Variants in PGAP1 observed in about 807,000 individuals in gnomAD.
The protein encoded by PGAP1 is GPI inositol-deacylase.
Under a neutral mutation model 127.0 loss-of-function variants are expected in PGAP1, and 76 were observed. That is an observed-to-expected ratio of 0.60 (90% CI 0.50 to 0.72). PGAP1 has a LOEUF of 0.72. Ranked by LOEUF, PGAP1 falls within the 30% of genes least tolerant of loss-of-function variation. The pLI is 0.00. For synonymous variants in PGAP1, 362 were observed against 366.5 expected, an observed-to-expected ratio of 0.99 and a Z score of 0.14; for missense variants, 982 against 1,071.3, an observed-to-expected ratio of 0.92 and a Z score of 1.16.
At chr2:196,913,403 G>A (rs766074159) in intron 3 of PGAP1, among the ~76,000 whole-genome samples, 48 of 152,128 alleles carry the variant, frequency 3.2e-4, no homozygotes, top group Non-Finnish European at 6.3e-4. Flanking sequence ...ATAAGAAATC[G>A]GATAATTTGT....
chr2:196,897,988 T>C (rs374759550), intron 6 of PGAP1, among the ~76,000 whole-genome samples: 5 of 152,112 alleles, frequency 3.3e-5, no homozygotes, highest in Non-Finnish European at 7.4e-5. Flanking sequence ...GAGGCCAATG[T>C]GGGTGGATCA....
chr2:196,890,289 A>AT (rs1452543067), intron 10 of PGAP1, among the ~76,000 whole-genome samples: 1 of 152,132 alleles, frequency 6.6e-6, no homozygotes, highest in Non-Finnish European at 1.5e-5. Context: ...ACAACATCAC[A>AT]TTTTTTAATA....
intron 3 of PGAP1, 70 bp downstream of exon 3, chr2:196,916,348 A>T: frequency 7.3e-7 from 1 of 1,363,014 alleles, no homozygotes; most frequent in Non-Finnish European, 9.7e-7. Flanking sequence ...GATTTAAAGT[A>T]TACTGAATCC....
intron 11 of PGAP1, 80 bp downstream of exon 11, chr2:196,885,754 A>C (rs1701880453): frequency 1.1e-6 from 1 of 872,792 alleles, no homozygotes; most frequent in Non-Finnish European, 1.6e-6. Flanking sequence ...GAAAATAACA[A>C]TGTATGAAAC....
At chr2:196,871,030 T>A in intron 18 of PGAP1, 51 bp from the exon 19 acceptor site, 1 of 1,303,508 alleles carries the variant, frequency 7.7e-7, no homozygotes, top group Non-Finnish European at 1.1e-6. Context: ...CTAAACTCCT[T>A]TACATTTTAT....
intron 18 of PGAP1, among the ~76,000 whole-genome samples, chr2:196,871,373 G>T (rs577095875): frequency 3.3e-5 from 5 of 152,100 alleles, no homozygotes; most frequent in Admixed American, 1.3e-4. Flanking sequence ...TGATAATTAG[G>T]AAGTCTATTT....
At chr2:196,900,995 A>G (rs1415884206) in intron 5 of PGAP1, among the ~76,000 whole-genome samples, 1 of 152,320 alleles carries the variant, frequency 6.6e-6, no homozygotes, top group East Asian at 1.9e-4. Flanking sequence ...AAGTACACAC[A>G]CACCCATGCC....
At chr2:196,875,707 A>AT in intron 14 of PGAP1, 39 bp downstream of exon 14, 1 of 1,129,128 alleles carries the variant, frequency 8.9e-7, no homozygotes, top group Non-Finnish European at 1.3e-6. Context: ...TGTTAAAAAT[A>AT]AAAGCAATTC....
At chr2:196,912,709 A>G (rs1702870672) in intron 4 of PGAP1, among the ~76,000 whole-genome samples, 173 bp downstream of exon 4, 1 of 152,116 alleles carries the variant, frequency 6.6e-6, no homozygotes, top group Admixed American at 6.5e-5. Flanking sequence ...TTATAAGCCT[A>G]AGTTCAATAA....
At chr2:196,906,471 C>G (rs1160864231) in intron 4 of PGAP1, among the ~76,000 whole-genome samples, 2 of 30,208 alleles carry the variant, frequency 6.6e-5, no homozygotes, top group Admixed American at 5.9e-4. Flanking sequence ...CATCAAAGAC[C>G]AAAAGTAGAT....
At chr2:196,900,762 A>G (rs1702458983) in intron 5 of PGAP1, among the ~76,000 whole-genome samples, 1 of 152,070 alleles carries the variant, frequency 6.6e-6, no homozygotes. Flanking sequence ...CATCTCTACT[A>G]AAAATACAAA....
In PGAP1 at chr2:196,838,003, AAG is replaced by A. The variant is rs1332984202; in HGVS notation, c.*3229_*3230del. 1 of 152,232 alleles carries A rather than the reference AAG, an allele frequency of 6.6e-6. No individual in the cohort carries two copies. The highest frequency in any genetic ancestry group is 1.9e-4 in the East Asian group (1 of 5,198). The allele number at this position is 152,232 out of a possible 1,614,324, so 9.4% of individuals were successfully genotyped here. On this transcript the variant is annotated 3_prime_UTR_variant, in exon 27 of 27. Transcript: ENST00000354764. ...TTCTGGTGATAACCAAGAGAAAAAA[AAG>A]AGTTAGCAGAACCTGTTTAATTTCT...
chr2:196,880,220 A>G, intron 12 of PGAP1, 67 bp from the exon 13 acceptor site: 1 of 960,294 alleles, frequency 1.0e-6, no homozygotes, highest in South Asian at 1.6e-5. Context: ...AGAAAAATAA[A>G]TAACACTTAT....
At chr2:196,908,213 C>T (rs1202006767) in intron 4 of PGAP1, among the ~76,000 whole-genome samples, 1 of 1,780 alleles carries the variant, frequency 5.6e-4, no homozygotes, top group African/African-American at 5.6e-3. Flanking sequence ...AAAAGCTCTC[C>T]TCAGCAAATG....
chr2:196,876,592 T>A (rs975345033), intron 13 of PGAP1, among the ~76,000 whole-genome samples: 1 of 152,038 alleles, frequency 6.6e-6, no homozygotes, highest in African/African-American at 2.4e-5. Context: ...ATCTCTACAA[T>A]GCAATCATAT....
Position 196,855,852 on chromosome 2 carries a change from C to T in PGAP1, c.1862-7815G>A, listed in dbSNP as rs879741311. On this transcript the variant is annotated intron_variant, in intron 20 of 26. Coordinates refer to ENST00000354764, the MANE Select transcript of PGAP1 (RefSeq NM_024989.4). Reference sequence around the variant, plus strand: ...GTATTGAATGTTAGTTATATTACCACGGCTTTATCAAAAATGTTATATTTG... The same window carrying T: ...GTATTGAATGTTAGTTATATTACCATGGCTTTATCAAAAATGTTATATTTG... 3.3e-5 allele frequency among the ~76,000 whole-genome samples: 5 copies of T among 152,028 alleles called. No individual in the cohort carries two copies. In the East Asian group the frequency reaches 5.8e-4, roughly 18 times the overall value.
chr2:196,919,779 C>A (rs560406314), intron 2 of PGAP1, among the ~76,000 whole-genome samples: 2 of 152,224 alleles, frequency 1.3e-5, no homozygotes, highest in South Asian at 4.1e-4. Flanking sequence ...TTCTTTGTAC[C>A]CCTCTCTTTG....
chr2:196,869,421 C>CA (rs1701341033), intron 19 of PGAP1, among the ~76,000 whole-genome samples: 1 of 152,046 alleles, frequency 6.6e-6, no homozygotes, highest in East Asian at 1.9e-4. Context: ...CTGCAAGCTC[C>CA]ACCTCTGGGT....
At chr2:196,864,415 A>AAAAAAAAAAAC (rs1188656265) in intron 20 of PGAP1, among the ~76,000 whole-genome samples, 1 of 149,318 alleles carries the variant, frequency 6.7e-6, no homozygotes, top group African/African-American at 2.5e-5. Flanking sequence ...AAAAAAAAAA[A>AAAAAAAAAAAC]GGCATTTGAT....
Sources: gnomAD v4.1 joint callset for allele counts (sites outside exome capture counted in the v4.1 genomes callset) on GRCh38, gnomAD v4.1.1 for gene constraint, MANE v1.5 for transcripts, NCBI Gene and HGNC (gene_info 2026-07-23, HGNC 2026-07-21) for gene names.